SLC39A14: variants seen among roughly 807,000 people sequenced by gnomAD.
The protein encoded by SLC39A14 is solute carrier family 39 member 14, also known as metal cation symporter ZIP14.
A neutral mutation model predicts 45.5 loss-of-function variants in SLC39A14; 19 were observed. The ratio of observed to expected loss-of-function variants is 0.42; its 90% confidence interval spans 0.29 to 0.61. The LOEUF is 0.61. Ranked by LOEUF, SLC39A14 falls within the 20% of genes least tolerant of loss-of-function variation. The pLI is 0.22. For synonymous variants in SLC39A14, 264 were observed against 251.3 expected (o/e 1.05, Z -0.48); for missense variants, 447 against 616.5 (o/e 0.73, Z 2.91).
intron 8 of SLC39A14, among the ~76,000 whole-genome samples, chr8:22,431,716 A>G (rs1397012737): frequency 6.6e-6 from 1 of 152,224 alleles, no homozygotes; most frequent in African/African-American, 2.4e-5. Flanking sequence ...TGACTGACCA[A>G]TGCAGAAAAT....
chr8:22,373,255 C>A (rs1407352876), intron 1 of SLC39A14, among the ~76,000 whole-genome samples: 7 of 111,434 alleles, frequency 6.3e-5, no homozygotes, highest in African/African-American at 2.9e-4. Context: ...GAGCGAGACT[C>A]CATCTCAAAA....
intron 1 of SLC39A14, among the ~76,000 whole-genome samples, chr8:22,391,186 C>G (rs1834052474): frequency 6.6e-6 from 1 of 152,222 alleles, no homozygotes; most frequent in South Asian, 2.1e-4. Context: ...AATAGCCTAA[C>G]TGCACCCTGA....
At position 22,403,308 on chromosome 8, in the gene SLC39A14, CT is replaced by C. The variant is rs200653185; in HGVS notation, c.-15-1386del. Among the ~76,000 whole-genome samples, 1,060 of 149,192 alleles carry C rather than the reference CT, an allele frequency of 7.1e-3. 10 individuals are homozygous for C. The highest frequency in any genetic ancestry group is 0.025 in the African/African-American group (998 of 40,662). On this transcript the variant is annotated intron_variant, in intron 1 of 8. Coordinates refer to ENST00000381237, the MANE Select transcript of SLC39A14 (RefSeq NM_001128431.4). Reference sequence around the variant, plus strand: ...TTATTTATTTATTTTGAGACGGAGTCTTGCTGTGTCGCCCAGGCTGGAGTGC... The same window carrying C: ...TTATTTATTTATTTTGAGACGGAGTCTGCTGTGTCGCCCAGGCTGGAGTGC...
At chr8:22,381,471 C>T (rs762283521) in intron 1 of SLC39A14, among the ~76,000 whole-genome samples, 3 of 151,842 alleles carry the variant, frequency 2.0e-5, no homozygotes, top group Non-Finnish European at 2.9e-5. Context: ...GGGGTTTCAC[C>T]GAGTTAGACA....
chr8:22,389,404 C>T (rs997545069), intron 1 of SLC39A14, among the ~76,000 whole-genome samples: 1 of 147,224 alleles, frequency 6.8e-6, no homozygotes, highest in African/African-American at 2.5e-5. Flanking sequence ...CGGGCGTGAG[C>T]GGGCTTGAGG....
At chr8:22,405,580 C>T (rs111407119) in intron 2 of SLC39A14, among the ~76,000 whole-genome samples, 2,179 of 152,274 alleles carry the variant, frequency 0.014, 19 homozygotes, top group Non-Finnish European at 0.023. Flanking sequence ...TCCTCAGCGC[C>T]GCACTTGAGT....
chr8:22,394,764 A>G (rs1022204661), intron 1 of SLC39A14, among the ~76,000 whole-genome samples: 21 of 152,052 alleles, frequency 1.4e-4, no homozygotes, highest in African/African-American at 4.8e-4. Flanking sequence ...CCCCCTAGGA[A>G]GGGGACTATA....
At chr8:22,401,313 T>C (rs1183391168) in intron 1 of SLC39A14, among the ~76,000 whole-genome samples, 5 of 152,060 alleles carry the variant, frequency 3.3e-5, no homozygotes, top group Non-Finnish European at 7.4e-5. Context: ...GCACTGAGAT[T>C]AGTGTCCGAG....
rs17060854 is a variant in SLC39A14 at position 22,420,398 on chromosome 8, C to T, written c.*700C>T. On this transcript the variant is annotated 3_prime_UTR_variant, in exon 9 of 9. Transcript: ENST00000381237. ...CAGCACCTGGTGTTTCACGGCTGTC[C>T]GAGTGAGCTAACGTGGCGGTGTGGC... 0.029 allele frequency: 28,085 copies of T among 985,240 alleles called. 4,891 individuals carry two copies. The African/African-American group carries it at 0.4, about 14-fold the overall frequency. The allele number at this position is 985,240 out of a possible 1,614,324, so 61.0% of individuals were successfully genotyped here. A position where few individuals can be genotyped will look rare whatever the true frequency, so the allele number is the denominator to read the frequency against.
chr8:22,420,522 C>T lies in SLC39A14; in HGVS notation c.*824C>T, dbSNP rs1836166638. ...TGGCTGTGATTTTGACCTCCTCTTC[C>T]CCACTGCCATCTTCTAAGAGACTTT... On this transcript the variant is annotated 3_prime_UTR_variant, in exon 9 of 9. Coordinates refer to ENST00000381237, the MANE Select transcript of SLC39A14 (RefSeq NM_001128431.4). 2.0e-6 allele frequency: 2 copies of T among 985,458 alleles called. No homozygotes were observed. The highest frequency in any genetic ancestry group is 3.5e-5 in the African/African-American group (2 of 57,342). 61.0% of individuals were successfully genotyped at this position (985,458 alleles called of 1,614,324 possible).
intron 8 of SLC39A14, among the ~76,000 whole-genome samples, chr8:22,418,487 A>G (rs1836023980): frequency 6.6e-6 from 1 of 152,120 alleles, no homozygotes; most frequent in Non-Finnish European, 1.5e-5. Context: ...AATAATAGCA[A>G]TACTTTGGTT....
At chr8:22,408,526 T>C in intron 3 of SLC39A14, 30 bp downstream of exon 3, 1 of 1,594,876 alleles carries the variant, frequency 6.3e-7, no homozygotes, top group East Asian at 2.2e-5. Context: ...CAGGAGCCCA[T>C]CTCCCATCTC....
At chr8:22,399,229 G>A (rs1419361273) in intron 1 of SLC39A14, among the ~76,000 whole-genome samples, 8 of 152,204 alleles carry the variant, frequency 5.3e-5, no homozygotes, top group African/African-American at 1.2e-4. Context: ...CCATGCGCGC[G>A]GACCCCTGCC....
At chr8:22,393,249 T>TA (rs1346092254) in intron 1 of SLC39A14, 33 of 985,302 alleles carry the variant, frequency 3.3e-5, no homozygotes, top group Non-Finnish European at 4.0e-5. Context: ...AGGAGAGCAG[T>TA]AGGTGGGAGG....
Position 22,414,791 on chromosome 8 carries a change from C to T in SLC39A14, c.639C>T (p.Phe213=), listed in dbSNP as rs762634621. The T allele has an allele frequency of 1.9e-6, 3 of 1,607,070 alleles. No homozygotes were observed. Among genetic ancestry groups the T allele is most frequent in the Non-Finnish European group, 2.5e-6 (3 of 1,178,842 alleles). The change falls in exon 5 of 9, where the codon TTC becomes TTT. Residue 213 remains phenylalanine, a synonymous_variant. Transcript: ENST00000381237. ...TCCTGGGTCCACAGGCATTTGGTTT[C>T]AACCCTCTGGAAGATTATTATGTCT... ...LFQLIPEAFG[F]NPLEDYYVSK...
At chr8:22,385,706 A>G (rs905832318) in intron 1 of SLC39A14, among the ~76,000 whole-genome samples, 1 of 152,084 alleles carries the variant, frequency 6.6e-6, no homozygotes, top group African/African-American at 2.4e-5. Flanking sequence ...TTTAGATTTT[A>G]TTCCATGTGG....
chr8:22,389,235 G>A (rs1467050478), intron 1 of SLC39A14, among the ~76,000 whole-genome samples: 1 of 152,148 alleles, frequency 6.6e-6, no homozygotes, highest in Non-Finnish European at 1.5e-5. Context: ...GGTTATGGGG[G>A]GAAGTGCTAA....
chr8:22,417,545 C>A, intron 7 of SLC39A14, 106 bp from the exon 8 acceptor site: 1 of 940,588 alleles, frequency 1.1e-6, no homozygotes, highest in Non-Finnish European at 1.6e-6. Flanking sequence ...CTCAAACAGT[C>A]CTCCCAGCTG....
At position 22,415,890 on chromosome 8, in the gene SLC39A14, G is replaced by A. The variant is rs146852396; in HGVS notation, c.872G>A (p.Ser291Asn). ...GACCACATGATTCCTCAGCACTGCA[G>A]CAGTGAGCTGGACGGCAAGGCGCCC... ...DLDHMIPQHC[S>N]SELDGKAPMV... Residue 291 changes from serine to asparagine, a missense_variant, in exon 6 of 9, where the codon AGC (serine) becomes AAC (asparagine). By Grantham distance (46) the Ser-to-Asn change is conservative (BLOSUM62 1). Coordinates refer to ENST00000381237, the MANE Select transcript of SLC39A14 (RefSeq NM_001128431.4). 16 of 1,612,786 alleles carry A rather than the reference G, an allele frequency of 9.9e-6. No individual in the cohort carries two copies. The highest frequency in any genetic ancestry group is 1.4e-5 in the Non-Finnish European group (16 of 1,179,568).
Sources: gnomAD v4.1 joint callset for allele counts (sites outside exome capture counted in the v4.1 genomes callset) on GRCh38, gnomAD v4.1.1 for gene constraint, MANE v1.5 for transcripts, NCBI Gene and HGNC (gene_info 2026-07-23, HGNC 2026-07-21) for gene names.